Variants in CNBD1 observed in about 807,000 individuals in gnomAD.
The protein encoded by CNBD1 is cyclic nucleotide-binding domain-containing protein 1.
In CNBD1, 71 loss-of-function variants were observed where a neutral mutation model predicts 54.4. That is an observed-to-expected ratio of 1.30 (90% CI 1.08 to 1.59). CNBD1 has a LOEUF of 1.59. Among genes scored for constraint, CNBD1 ranks in the 40% most tolerant of loss-of-function variants. CNBD1 has a pLI of 0.00. For missense variants in CNBD1, 659 were observed against 518.0 expected, an observed-to-expected ratio of 1.27 and a Z score of -2.64; for synonymous variants, 182 against 170.7, an observed-to-expected ratio of 1.07 and a Z score of -0.51.
intron 6 of CNBD1, 88 bp from the exon 7 acceptor site, chr8:87,284,590 A>G: frequency 8.5e-7 from 1 of 1,179,028 alleles, no homozygotes; most frequent in Non-Finnish European, 1.2e-6. Flanking sequence ...TCATAGAATG[A>G]AAGCTTGACC....
downstream of CNBD1, among the ~76,000 whole-genome samples, chr8:87,387,484 C>G (rs1223666426): frequency 6.6e-6 from 1 of 152,022 alleles, no homozygotes; most frequent in Non-Finnish European, 1.5e-5. Context: ...GACTTTAAAC[C>G]AACAAAGATC....
chr8:87,351,172 C>T (rs946702725), intron 8 of CNBD1, among the ~76,000 whole-genome samples: 8 of 152,094 alleles, frequency 5.3e-5, no homozygotes, highest in Admixed American at 2.6e-4. Context: ...TAGGAAGTAG[C>T]GGAGTAGGTT....
intron 2 of CNBD1, among the ~76,000 whole-genome samples, chr8:87,394,286 A>C (rs1811370399): frequency 6.6e-6 from 1 of 151,918 alleles, no homozygotes; most frequent in South Asian, 2.1e-4. Flanking sequence ...TTCAGTTCTT[A>C]TCATAATGCA....
chr8:87,335,259 C>T (rs994811403), intron 8 of CNBD1, among the ~76,000 whole-genome samples: 5 of 152,128 alleles, frequency 3.3e-5, no homozygotes, highest in East Asian at 3.9e-4. Flanking sequence ...TGAATATCCT[C>T]GTTAATTTTC....
At chr8:87,234,585 G>A (rs1807533651) in intron 5 of CNBD1, among the ~76,000 whole-genome samples, 2 of 152,044 alleles carry the variant, frequency 1.3e-5, no homozygotes, top group African/African-American at 4.8e-5. Flanking sequence ...CTCAACAGTG[G>A]GCTTCAAATA....
At chr8:87,357,579 A>T (rs1206031799) in intron 10 of CNBD1, among the ~76,000 whole-genome samples, 1 of 152,074 alleles carries the variant, frequency 6.6e-6, no homozygotes, top group African/African-American at 2.4e-5. Context: ...GGGAATGTTT[A>T]CTTGATTTCT....
At chr8:87,336,257 G>A (rs1390056474) in intron 8 of CNBD1, among the ~76,000 whole-genome samples, 1 of 152,024 alleles carries the variant, frequency 6.6e-6, no homozygotes, top group Non-Finnish European at 1.5e-5. Flanking sequence ...TCCTAGGTTG[G>A]GGAAGTTCTT....
At chr8:87,422,138 TA>T (rs2130993692) in intron 2 of CNBD1, among the ~76,000 whole-genome samples, 1 of 147,382 alleles carries the variant, frequency 6.8e-6, no homozygotes, top group East Asian at 1.9e-4. Flanking sequence ...TTTTTTCTTG[TA>T]AATTTGTTTG....
At chr8:87,206,581 A>G (rs1311539936) in intron 5 of CNBD1, among the ~76,000 whole-genome samples, 2 of 152,170 alleles carry the variant, frequency 1.3e-5, no homozygotes, top group Non-Finnish European at 2.9e-5. Flanking sequence ...AACAGCAGAT[A>G]GTCAACATGA....
chr8:87,348,256 C>A (rs139243379), intron 8 of CNBD1, among the ~76,000 whole-genome samples: 2 of 152,020 alleles, frequency 1.3e-5, no homozygotes, highest in Non-Finnish European at 2.9e-5. Flanking sequence ...GCTATAAATG[C>A]TATCTATATT....
At chr8:86,983,619 G>A (rs1180374058) in intron 4 of CNBD1, among the ~76,000 whole-genome samples, 1 of 152,090 alleles carries the variant, frequency 6.6e-6, no homozygotes, top group Non-Finnish European at 1.5e-5. Context: ...ACAGAAAGGA[G>A]GAACTTTTTG....
chr8:87,313,201 T>G (rs975977003), intron 8 of CNBD1, among the ~76,000 whole-genome samples: 9 of 152,042 alleles, frequency 5.9e-5, no homozygotes, highest in Non-Finnish European at 1.5e-5. Flanking sequence ...CATACTACGT[T>G]AATATTTATT....
At chr8:86,939,895 T>G in intron 4 of CNBD1, 141 bp downstream of exon 4, 1 of 506,174 alleles carries the variant, frequency 2.0e-6, no homozygotes, top group Non-Finnish European at 3.5e-6. Flanking sequence ...ATGGACACAC[T>G]GGAGACTTTG....
At position 87,311,357 on chromosome 8, in the gene CNBD1, T is replaced by C. The variant is rs573033874; in HGVS notation, c.1042+24686T>C. 5.3e-5 allele frequency among the ~76,000 whole-genome samples: 8 copies of C among 152,178 alleles called. No homozygotes were observed. In the East Asian group the frequency reaches 1.5e-3, roughly 29 times the overall value. ...AACAAACATGTAAAAATGCTCAACA[T>C]CACTAATTATCAGAGAAATGCAAAT... On this transcript the variant is annotated intron_variant, in intron 8 of 10. Transcript: ENST00000518476.
chr8:87,018,324 A>G (rs1809410670), intron 4 of CNBD1, among the ~76,000 whole-genome samples: 1 of 152,218 alleles, frequency 6.6e-6, no homozygotes, highest in Non-Finnish European at 1.5e-5. Flanking sequence ...TCAGGCAAAC[A>G]TAATAAGCCT....
chr8:87,244,102 C>T (rs1419369856), intron 6 of CNBD1, among the ~76,000 whole-genome samples: 3 of 152,042 alleles, frequency 2.0e-5, no homozygotes, highest in Non-Finnish European at 4.4e-5. Context: ...CAGGGCACAC[C>T]TTGGTTTTAC....
chr8:87,172,225 C>T (rs757249488), intron 4 of CNBD1, among the ~76,000 whole-genome samples: 1 of 151,762 alleles, frequency 6.6e-6, no homozygotes. Context: ...TCATTGTGGT[C>T]GAAGAAGATG....
At chr8:87,364,363 G>T (rs1027500218) in intron 10 of CNBD1, among the ~76,000 whole-genome samples, 1 of 151,730 alleles carries the variant, frequency 6.6e-6, no homozygotes, top group Non-Finnish European at 1.5e-5. Flanking sequence ...TGTTTATTTT[G>T]TAAGAAGAAG....
At chr8:87,419,017 C>T (rs1252386646) in intron 2 of CNBD1, among the ~76,000 whole-genome samples, 1 of 151,870 alleles carries the variant, frequency 6.6e-6, no homozygotes, top group Non-Finnish European at 1.5e-5. Context: ...TTCATAGCAG[C>T]ATTACTCATA....
Sources: allele counts gnomAD v4.1 joint callset (sites outside exome capture counted in the v4.1 genomes callset), GRCh38; gene constraint gnomAD v4.1.1; transcripts MANE v1.5; gene names NCBI Gene and HGNC (gene_info 2026-07-23, HGNC 2026-07-21).